HOOK3: variants seen among roughly 807,000 people sequenced by gnomAD.
The protein encoded by HOOK3 is protein Hook homolog 3.
HOOK3 carries 24 observed loss-of-function variants against 116.3 expected under a neutral mutation model. The observed-to-expected ratio is 0.21, with a 90% CI of 0.15 to 0.29. The LOEUF (loss-of-function observed/expected upper bound fraction) is 0.29. Ranked by LOEUF, HOOK3 falls within the 10% of genes least tolerant of loss-of-function variation. The pLI, the probability that HOOK3 is intolerant of heterozygous loss-of-function variation, is 1.00. For synonymous variants in HOOK3, 275 were observed against 283.0 expected, an observed-to-expected ratio of 0.97 and a Z score of 0.28; for missense variants, 632 against 830.2, an observed-to-expected ratio of 0.76 and a Z score of 2.93.
intron 3 of HOOK3, among the ~76,000 whole-genome samples, chr8:42,929,470 A>C (rs753425516): frequency 6.6e-6 from 1 of 152,204 alleles, no homozygotes; most frequent in South Asian, 2.1e-4. Context: ...ACTATATCAC[A>C]TACCCATTTA....
intron 11 of HOOK3, among the ~76,000 whole-genome samples, chr8:42,970,109 G>A (rs997812445): frequency 9.9e-5 from 15 of 152,232 alleles, no homozygotes; most frequent in African/African-American, 3.1e-4. Flanking sequence ...TTTTGTGTAG[G>A]GTGTGAAGTA....
intron 17 of HOOK3, 74 bp downstream of exon 17, chr8:43,002,215 T>G: frequency 8.9e-7 from 1 of 1,124,362 alleles, no homozygotes; most frequent in African/African-American, 1.5e-5. Context: ...AGTTACGGTG[T>G]GTCTGGGCGT....
chr8:42,903,907 T>G (rs1362521927), intron 1 of HOOK3, among the ~76,000 whole-genome samples: 1 of 151,652 alleles, frequency 6.6e-6, no homozygotes, highest in African/African-American at 2.4e-5. Flanking sequence ...AGTGAGCCGA[T>G]ATCGCGCCAC....
chr8:42,902,497 C>T (rs553305696), intron 1 of HOOK3, among the ~76,000 whole-genome samples: 28 of 152,196 alleles, frequency 1.8e-4, no homozygotes, highest in Non-Finnish European at 2.4e-4. Context: ...GTCTCGAATT[C>T]CTGGGCTCAA....
chr8:43,016,916 G>A (rs1217836884), intron 21 of HOOK3, among the ~76,000 whole-genome samples: 1 of 152,168 alleles, frequency 6.6e-6, no homozygotes, highest in African/African-American at 2.4e-5. Flanking sequence ...GCTCACGCCT[G>A]TAATTCCAGT....
intron 17 of HOOK3, among the ~76,000 whole-genome samples, chr8:43,003,106 C>T (rs1809409922): frequency 1.3e-5 from 2 of 152,138 alleles, no homozygotes; most frequent in African/African-American, 4.8e-5. Context: ...AAACTCCGGG[C>T]AAGCATTGAA....
intron 2 of HOOK3, among the ~76,000 whole-genome samples, chr8:42,922,121 T>C (rs750680718): frequency 3.3e-5 from 5 of 152,190 alleles, no homozygotes; most frequent in African/African-American, 7.2e-5. Context: ...GACCTAAATA[T>C]AAGAGCTAAG....
At chr8:42,949,384 TTG>T (rs1808295380) in intron 5 of HOOK3, 2 of 152,236 alleles carry the variant, frequency 1.3e-5, no homozygotes, top group African/African-American at 4.8e-5. Flanking sequence ...ATTTTATTTT[TTG>T]TGTTTGACCG....
rs529081678 is a variant in HOOK3 at position 42,951,932 on chromosome 8, C to T, written c.468+1477C>T. ...CTCCAGCGTGGCGACAGCGAGACTC[C>T]GTCTCAAAAAAAAAAAGAAAAATAC... On this transcript the variant is annotated intron_variant, in intron 6 of 21. Transcript: ENST00000307602. Among the ~76,000 whole-genome samples the T allele has an allele frequency of 8.1e-5, 12 of 149,012 alleles. No homozygotes were observed. In the East Asian group the frequency reaches 1.6e-3, roughly 19 times the overall value.
At chr8:42,945,072 C>A (rs1230984983) in intron 5 of HOOK3, among the ~76,000 whole-genome samples, 1 of 152,142 alleles carries the variant, frequency 6.6e-6, no homozygotes, top group Admixed American at 6.5e-5. Context: ...GTTTCCACCT[C>A]TCGCAGGCAA....
At chr8:42,923,985 TAAA>T (rs1371132377) in intron 2 of HOOK3, among the ~76,000 whole-genome samples, 8 of 152,194 alleles carry the variant, frequency 5.3e-5, no homozygotes, top group Admixed American at 5.2e-4. Flanking sequence ...TCAGAATAGG[TAAA>T]AATTCTGAAT....
chr8:42,983,211 G>A (rs113185870), intron 14 of HOOK3, among the ~76,000 whole-genome samples: 1,788 of 151,828 alleles, frequency 0.012, 34 homozygotes, highest in African/African-American at 0.04. Flanking sequence ...GCGGGTGCCT[G>A]TAGTCCCAGC....
At chr8:42,957,932 C>A (rs1233614408) in intron 7 of HOOK3, among the ~76,000 whole-genome samples, 2 of 151,578 alleles carry the variant, frequency 1.3e-5, no homozygotes, top group South Asian at 2.1e-4. Context: ...CGGGTTCTCA[C>A]CATTCTCCTG....
At chr8:42,929,302 T>A (rs1415161783) in intron 3 of HOOK3, among the ~76,000 whole-genome samples, 1 of 152,232 alleles carries the variant, frequency 6.6e-6, no homozygotes, top group Non-Finnish European at 1.5e-5. Context: ...GTTTATTTTC[T>A]TCCTTACAAA....
At chr8:42,937,908 C>T (rs937127887) in intron 4 of HOOK3, among the ~76,000 whole-genome samples, 4 of 152,154 alleles carry the variant, frequency 2.6e-5, no homozygotes, top group African/African-American at 9.7e-5. Flanking sequence ...ATTAGGTCTG[C>T]TTGGTCCAGA....
intron 14 of HOOK3, among the ~76,000 whole-genome samples, chr8:42,983,611 G>A (rs1383671205): frequency 6.6e-6 from 1 of 152,090 alleles, no homozygotes. Context: ...AGCCTGCTTA[G>A]TAGTTGGGAT....
chr8:42,938,565 G>A (rs1411912222), intron 4 of HOOK3, among the ~76,000 whole-genome samples: 1 of 152,066 alleles, frequency 6.6e-6, no homozygotes, highest in Non-Finnish European at 1.5e-5. Context: ...GCTTCCTTCA[G>A]GAGCTCTTGA....
intron 2 of HOOK3, among the ~76,000 whole-genome samples, chr8:42,915,068 T>A (rs1243955677): frequency 6.6e-6 from 1 of 152,156 alleles, no homozygotes; most frequent in African/African-American, 2.4e-5. Flanking sequence ...TCCTTCTAAT[T>A]TTCCCTAGAT....
At chr8:42,905,178 G>A (rs868602175) in intron 1 of HOOK3, among the ~76,000 whole-genome samples, 18 of 152,040 alleles carry the variant, frequency 1.2e-4, no homozygotes, top group African/African-American at 2.9e-4. Flanking sequence ...TTTGGCCTCC[G>A]AGTAACAGAA....
Sources: allele counts gnomAD v4.1 joint callset (sites outside exome capture counted in the v4.1 genomes callset), GRCh38; gene constraint gnomAD v4.1.1; transcripts MANE v1.5; gene names NCBI Gene and HGNC (gene_info 2026-07-23, HGNC 2026-07-21).